CCDC102B: variants seen among roughly 807,000 people sequenced by gnomAD.
CCDC102B encodes coiled-coil domain containing 102B, also known as coiled-coil domain-containing protein 102B.
In CCDC102B, 75 loss-of-function variants were observed where a neutral mutation model predicts 57.4. The ratio of observed to expected loss-of-function variants is 1.31; its 90% CI spans 1.08 to 1.58. CCDC102B has a LOEUF of 1.58. Ranked by LOEUF, CCDC102B falls within the 40% of genes most tolerant of loss-of-function variation. The pLI is 0.00. For missense variants in CCDC102B, 636 were observed against 582.6 expected (o/e 1.09, Z -0.94); for synonymous variants, 206 against 201.9 (o/e 1.02, Z -0.17).
chr18:68,859,310 T>A (rs1229547970), intron 4 of CCDC102B, among the ~76,000 whole-genome samples: 2 of 93,390 alleles, frequency 2.1e-5, no homozygotes, highest in Non-Finnish European at 4.5e-5. Context: ...TCAAGATGGA[T>A]TAAAGATTTA....
chr18:69,022,896 T>G (rs2051884704), intron 7 of CCDC102B, among the ~76,000 whole-genome samples: 2 of 152,062 alleles, frequency 1.3e-5, no homozygotes, highest in South Asian at 4.2e-4. Context: ...TTCACTGTTG[T>G]CTTTGAGGGT....
chr18:68,978,499 A>C (rs1031609477), intron 6 of CCDC102B, among the ~76,000 whole-genome samples: 2 of 152,060 alleles, frequency 1.3e-5, no homozygotes, highest in Non-Finnish European at 2.9e-5. Flanking sequence ...ATATTGATTT[A>C]TACTTAAAAT....
chr18:69,005,808 GTA>G (rs369385857), intron 6 of CCDC102B, among the ~76,000 whole-genome samples: 4 of 150,340 alleles, frequency 2.7e-5, no homozygotes, highest in Admixed American at 2.0e-4. Flanking sequence ...ATTAAAATAT[GTA>G]TATATATATA....
chr18:68,816,185 T>C (rs2036465995), intron 1 of CCDC102B, among the ~76,000 whole-genome samples: 1 of 152,222 alleles, frequency 6.6e-6, no homozygotes, highest in Non-Finnish European at 1.5e-5. Context: ...ACATTGGTTT[T>C]AGACTCTGTA....
At chr18:69,006,404 TA>T (rs2051345372) in intron 6 of CCDC102B, among the ~76,000 whole-genome samples, 1 of 122,584 alleles carries the variant, frequency 8.2e-6, no homozygotes, top group African/African-American at 3.4e-5. Flanking sequence ...TTTATTTATT[TA>T]TTTATTTATT....
At position 68,785,620 on chromosome 18, in the gene CCDC102B, T is replaced by C. The variant is rs1479750741; in HGVS notation, c.-66-37746T>C. On this transcript the variant is annotated intron_variant, in intron 2 of 3. Transcript: ENST00000578970. ...TTCATGTGTTTTTTGGCTGCATAAA[T>C]GTCTTCTTTTGAGAAGTGTCTGTTC... Among the ~76,000 whole-genome samples the C allele has an allele frequency of 5.0e-4, 75 of 150,424 alleles. 2 individuals carry two copies. In the South Asian group the frequency reaches 0.016, roughly 33 times the overall value.
At chr18:68,740,578 G>A (rs1447964055) in intron 2 of CCDC102B, among the ~76,000 whole-genome samples, 3 of 152,146 alleles carry the variant, frequency 2.0e-5, no homozygotes, top group Non-Finnish European at 2.9e-5. Context: ...GCAAACACTT[G>A]CTTTTAATGT....
chr18:68,715,402 A>G (rs1426395122), intron 1 of CCDC102B: 3 of 286,030 alleles, frequency 1.0e-5, no homozygotes, highest in Non-Finnish European at 1.7e-5. Flanking sequence ...ATACTGGCAC[A>G]TCATTTACTT....
chr18:68,947,913 G>T (rs2049585491), intron 6 of CCDC102B, among the ~76,000 whole-genome samples: 1 of 152,040 alleles, frequency 6.6e-6, no homozygotes, highest in East Asian at 1.9e-4. Flanking sequence ...CTTGACAAAA[G>T]TGGGAAATGA....
intron 2 of CCDC102B, chr18:68,716,669 C>A (rs1188933110): frequency 6.6e-6 from 1 of 152,232 alleles, no homozygotes; most frequent in African/African-American, 2.4e-5. Context: ...ATGGGTGGCT[C>A]ATGCCTATTA....
chr18:68,804,122 G>A (rs558015667), intron 1 of CCDC102B, among the ~76,000 whole-genome samples: 14 of 152,156 alleles, frequency 9.2e-5, no homozygotes, highest in African/African-American at 1.7e-4. Context: ...TGCATAGGCT[G>A]TATTTCATAT....
chr18:68,748,210 G>A (rs879619973), intron 2 of CCDC102B, among the ~76,000 whole-genome samples: 2,551 of 35,672 alleles, frequency 0.072, 57 homozygotes, highest in African/African-American at 0.13. Flanking sequence ...AAACTGGTGT[G>A]TGTGTGTGTG....
rs1361059440 is a variant in CCDC102B, at chr18:68,897,448, C to T, written c.1263+20C>T. On this transcript the variant is annotated intron_variant, in intron 6 of 7. Transcript: ENST00000360242. ...AACCAGGTATGGGTGCTCCTTGGAG[C>T]AAATTCTCACTGTCTAATCTCACTC... 1 of 1,605,772 alleles carries T rather than the reference C, an allele frequency of 6.2e-7. No individual in the cohort carries two copies. Among genetic ancestry groups the T allele is most frequent in the South Asian group, 1.1e-5 (1 of 90,554 alleles).
intron 6 of CCDC102B, among the ~76,000 whole-genome samples, chr18:68,939,115 A>T (rs10445527): frequency 0.53 from 80,020 of 151,522 alleles, 24,989 homozygotes; most frequent in Non-Finnish European, 0.67. Flanking sequence ...TTCGGACTTA[A>T]ATGTCACTTT....
intron 6 of CCDC102B, among the ~76,000 whole-genome samples, chr18:68,904,123 A>C (rs1341830972): frequency 5.7e-4 from 1 of 1,750 alleles, no homozygotes; most frequent in Non-Finnish European, 1.5e-3. Flanking sequence ...CTGTTATAAA[A>C]TAGAAATTAT....
At chr18:68,989,399 GTTGA>G (rs759280317) in intron 6 of CCDC102B, among the ~76,000 whole-genome samples, 1 of 152,188 alleles carries the variant, frequency 6.6e-6, no homozygotes, top group East Asian at 1.9e-4. Context: ...GGAATGTTTG[GTTGA>G]TTGGACATGT....
Position 68,931,379 on chromosome 18 carries a change from T to A in CCDC102B, c.1263+33951T>A, listed in dbSNP as rs536379380. 4.6e-5 allele frequency among the ~76,000 whole-genome samples: 7 copies of A among 152,018 alleles called. No individual in the cohort carries two copies. In the South Asian group the frequency reaches 1.4e-3, roughly 31 times the overall value. ...TGGTAGAATATACTAGAGTTTTTAG[T>A]ACGTTCATATAGCAATCTAATTTGG... On this transcript the variant is annotated intron_variant, in intron 6 of 7. Coordinates refer to ENST00000360242, the MANE Select transcript of CCDC102B (RefSeq NM_024781.3).
At chr18:68,744,193 C>T (rs1034909879) in intron 2 of CCDC102B, among the ~76,000 whole-genome samples, 1 of 152,084 alleles carries the variant, frequency 6.6e-6, no homozygotes, top group African/African-American at 2.4e-5. Context: ...TGTTGAAATT[C>T]TTAACTGGAC....
At chr18:69,041,244 A>C (rs1283971566) in intron 7 of CCDC102B, among the ~76,000 whole-genome samples, 1 of 152,108 alleles carries the variant, frequency 6.6e-6, no homozygotes, top group Non-Finnish European at 1.5e-5. Context: ...AATTTGCATT[A>C]GTTACATTGA....
Sources: allele counts gnomAD v4.1 joint callset (sites outside exome capture counted in the v4.1 genomes callset), GRCh38; gene constraint gnomAD v4.1.1; transcripts MANE v1.5; gene names NCBI Gene and HGNC (gene_info 2026-07-23, HGNC 2026-07-21).